The following HPSE2 variants were observed in gnomAD, a reference collection of about 807,000 sequenced individuals.
HPSE2 encodes inactive heparanase-2.
HPSE2 carries 38 observed loss-of-function variants against 60.5 expected under a neutral mutation model. The ratio of observed to expected loss-of-function variants is 0.63; its 90% CI spans 0.48 to 0.82. The LOEUF is 0.82. HPSE2 is among the 40% of genes least tolerant of loss of function. HPSE2 has a pLI of 0.00. For synonymous variants in HPSE2, 295 were observed against 293.2 expected (o/e 1.01, Z -0.06); for missense variants, 713 against 740.4 (o/e 0.96, Z 0.43).
intron 4 of HPSE2, among the ~76,000 whole-genome samples, chr10:98,736,453 G>A (rs1334855442): frequency 6.6e-6 from 1 of 152,128 alleles, no homozygotes; most frequent in Non-Finnish European, 1.5e-5. Flanking sequence ...ATTTTAGTGA[G>A]AGAACATGAT....
At chr10:98,963,878 A>T (rs1955746564) in intron 3 of HPSE2, among the ~76,000 whole-genome samples, 1 of 152,152 alleles carries the variant, frequency 6.6e-6, no homozygotes, top group East Asian at 1.9e-4. Context: ...AGACTAGGAA[A>T]CAAAGATCAA....
At chr10:98,997,092 T>C (rs114431194) in intron 3 of HPSE2, among the ~76,000 whole-genome samples, 4 of 150,910 alleles carry the variant, frequency 2.7e-5, no homozygotes, top group African/African-American at 9.7e-5. Flanking sequence ...TGTCCTTACT[T>C]TAGTCAATAC....
At chr10:98,618,210 T>C (rs867698014) in intron 8 of HPSE2, among the ~76,000 whole-genome samples, 21 of 152,142 alleles carry the variant, frequency 1.4e-4, no homozygotes, top group African/African-American at 4.3e-4. Flanking sequence ...CAACTAAGCA[T>C]TGGATATCTG....
At chr10:98,605,472 TA>T (rs1490183675) in intron 9 of HPSE2, among the ~76,000 whole-genome samples, 1 of 152,206 alleles carries the variant, frequency 6.6e-6, no homozygotes, top group Non-Finnish European at 1.5e-5. Flanking sequence ...GTGAAATTTG[TA>T]AAGATACTAA....
intron 3 of HPSE2, among the ~76,000 whole-genome samples, chr10:98,910,045 T>G (rs1953936678): frequency 6.6e-6 from 1 of 152,184 alleles, no homozygotes. Context: ...ATAATGCTAT[T>G]ATAAGAAGAA....
chr10:98,835,742 C>T (rs1380264957), intron 3 of HPSE2, among the ~76,000 whole-genome samples: 1 of 152,152 alleles, frequency 6.6e-6, no homozygotes, highest in African/African-American at 2.4e-5. Context: ...ATTCTTCAGT[C>T]ACATATTTTA....
At chr10:98,968,362 T>C (rs1431081772) in intron 3 of HPSE2, among the ~76,000 whole-genome samples, 2 of 152,042 alleles carry the variant, frequency 1.3e-5, no homozygotes, top group African/African-American at 2.4e-5. Flanking sequence ...TTGATGTTGG[T>C]GTGGGTGTGG....
At chr10:98,657,365 T>A (rs1196310001) in intron 6 of HPSE2, among the ~76,000 whole-genome samples, 1 of 151,970 alleles carries the variant, frequency 6.6e-6, no homozygotes, top group Non-Finnish European at 1.5e-5. Flanking sequence ...TTGTTACCAC[T>A]CTGTTACCCA....
chr10:98,505,809 C>T (rs1228258369), intron 9 of HPSE2, among the ~76,000 whole-genome samples: 6 of 152,108 alleles, frequency 3.9e-5, no homozygotes, highest in Non-Finnish European at 7.4e-5. Flanking sequence ...ATCTGAAATG[C>T]CCCGTGTCCT....
the HPSE2 span, among the ~76,000 whole-genome samples, chr10:99,281,931 T>C: frequency 6.6e-6 from 1 of 151,978 alleles, no homozygotes; most frequent in Non-Finnish European, 1.5e-5. Context: ...GCTATATTAT[T>C]ATCAGAAAAA....
chr10:98,978,539 G>T (rs1211680657), intron 3 of HPSE2, among the ~76,000 whole-genome samples: 1 of 152,078 alleles, frequency 6.6e-6, no homozygotes, highest in Non-Finnish European at 1.5e-5. Flanking sequence ...TTAGCCAACT[G>T]GTAGCTTATT....
At chr10:99,310,802 T>C in the HPSE2 span, among the ~76,000 whole-genome samples, 1 of 152,162 alleles carries the variant, frequency 6.6e-6, no homozygotes, top group African/African-American at 2.4e-5. Flanking sequence ...AATTTTTTTG[T>C]ATTTTTAGTA....
chr10:98,700,030 G>A lies in HPSE2; in HGVS notation c.957-6083C>T, dbSNP rs933016981. 1.1e-3 allele frequency among the ~76,000 whole-genome samples: 170 copies of A among 151,770 alleles called. 3 individuals carry two copies. Among genetic ancestry groups the A allele is most frequent in the African/African-American group, 3.8e-3 (157 of 41,430 alleles). On this transcript the variant is annotated intron_variant, in intron 5 of 11. Transcript: ENST00000370552. ...ATGGAAGAACATTCCATGCTCATGG[G>A]TAGGAAGAATCGATATCATGAAAAT...
At chr10:99,084,015 C>A in intron 3 of HPSE2, among the ~76,000 whole-genome samples, 1 of 111,558 alleles carries the variant, frequency 9.0e-6, no homozygotes, top group Non-Finnish European at 1.7e-5. Context: ...AGGGTTTTTT[C>A]CCAAGAGTCA....
intron 9 of HPSE2, among the ~76,000 whole-genome samples, chr10:98,572,329 T>C (rs1420551440): frequency 6.6e-6 from 1 of 152,232 alleles, no homozygotes; most frequent in Non-Finnish European, 1.5e-5. Context: ...AGAGATACTA[T>C]AATTGATGAT....
chr10:99,129,738 GAACA>G (rs1564830509), intron 3 of HPSE2, among the ~76,000 whole-genome samples: 2 of 139,926 alleles, frequency 1.4e-5, no homozygotes. Flanking sequence ...AGAGAAACAA[GAACA>G]AACCAAACCC....
intron 3 of HPSE2, among the ~76,000 whole-genome samples, chr10:98,883,139 G>A (rs1313066397): frequency 2.0e-5 from 3 of 152,138 alleles, no homozygotes; most frequent in African/African-American, 7.2e-5. Context: ...TTTATTTGTT[G>A]TAAAAATGTG....
chr10:99,081,177 G>C (rs1276482141), intron 3 of HPSE2, among the ~76,000 whole-genome samples: 3 of 152,166 alleles, frequency 2.0e-5, no homozygotes, highest in Non-Finnish European at 2.9e-5. Flanking sequence ...GTAAAAAACT[G>C]TTAAATTTGC....
chr10:98,652,583 A>T (rs1946947474), intron 6 of HPSE2, among the ~76,000 whole-genome samples: 1 of 152,056 alleles, frequency 6.6e-6, no homozygotes, highest in East Asian at 1.9e-4. Flanking sequence ...CCTACTCCAA[A>T]TCCCCTGAGT....
Sources: gnomAD v4.1 joint callset for allele counts (sites outside exome capture counted in the v4.1 genomes callset) on GRCh38, gnomAD v4.1.1 for gene constraint, MANE v1.5 for transcripts, NCBI Gene and HGNC (gene_info 2026-07-23, HGNC 2026-07-21) for gene names.